The following TMC1 variants were observed in gnomAD, a reference collection of about 807,000 sequenced individuals.
TMC1 encodes transmembrane channel-like protein 1.
In TMC1, 84 loss-of-function variants were observed where a neutral mutation model predicts 105.8. The ratio of observed to expected loss-of-function variants is 0.79; its 90% CI spans 0.67 to 0.95. The LOEUF (loss-of-function observed/expected upper bound fraction) is 0.95. TMC1 is among the 40% of genes least tolerant of loss of function. The pLI, the probability that TMC1 is intolerant of heterozygous loss-of-function variation, is 0.00. For synonymous variants in TMC1, 315 were observed against 311.5 expected, an observed-to-expected ratio of 1.01 and a Z score of -0.12; for missense variants, 817 against 914.1, an observed-to-expected ratio of 0.89 and a Z score of 1.37.
At chr9:72,542,024 A>G (rs984252262) in intron 1 of TMC1, among the ~76,000 whole-genome samples, 1 of 152,166 alleles carries the variant, frequency 6.6e-6, no homozygotes, top group Non-Finnish European at 1.5e-5. Flanking sequence ...TACTAGAGCC[A>G]AAGAATTTGA....
chr9:72,531,925 ATC>A (rs987889451), intron 1 of TMC1, among the ~76,000 whole-genome samples: 1 of 151,880 alleles, frequency 6.6e-6, no homozygotes, highest in African/African-American at 2.4e-5. Flanking sequence ...TAAGATTTTC[ATC>A]TTTTATTTTT....
chr9:72,660,427 T>C (rs1825955013), intron 5 of TMC1, among the ~76,000 whole-genome samples: 1 of 152,194 alleles, frequency 6.6e-6, no homozygotes, highest in Non-Finnish European at 1.5e-5. Context: ...TCTCCTTCAA[T>C]TCTATCTGCA....
intron 4 of TMC1, among the ~76,000 whole-genome samples, chr9:72,640,777 G>A (rs1178048246): frequency 3.3e-5 from 5 of 151,344 alleles, no homozygotes; most frequent in East Asian, 1.9e-4. Context: ...GACTACAGGC[G>A]CCCGCCACTA....
intron 1 of TMC1, among the ~76,000 whole-genome samples, chr9:72,570,568 A>G (rs1043902785): frequency 9.3e-5 from 14 of 150,830 alleles, no homozygotes; most frequent in African/African-American, 3.4e-4. Context: ...CATTTCTTAT[A>G]TTTTAAATTT....
chr9:72,830,883 GA>G (rs1829032577), intron 23 of TMC1, among the ~76,000 whole-genome samples: 1 of 151,046 alleles, frequency 6.6e-6, no homozygotes, highest in African/African-American at 2.4e-5. Context: ...CTAGTGGGAG[GA>G]AAAAAAGAGA....
intron 4 of TMC1, among the ~76,000 whole-genome samples, chr9:72,647,954 A>G (rs1825741817): frequency 1.3e-5 from 2 of 152,202 alleles, no homozygotes; most frequent in African/African-American, 4.8e-5. Flanking sequence ...ATTCCAATCA[A>G]AGATCACTAC....
At chr9:72,585,402 A>G (rs1348204489) in intron 2 of TMC1, among the ~76,000 whole-genome samples, 21 of 148,900 alleles carry the variant, frequency 1.4e-4, no homozygotes, top group African/African-American at 4.7e-4. Flanking sequence ...TGCCCGCCTC[A>G]GCCTCCCAAA....
intron 2 of TMC1, among the ~76,000 whole-genome samples, chr9:72,604,741 G>A (rs1451256640): frequency 5.3e-5 from 8 of 152,180 alleles, no homozygotes; most frequent in African/African-American, 9.7e-5. Context: ...GGTGAAGCAT[G>A]TTGGTTTAAT....
At chr9:72,649,482 C>A (rs1045004276) in intron 5 of TMC1, among the ~76,000 whole-genome samples, 1 of 152,112 alleles carries the variant, frequency 6.6e-6, no homozygotes, top group Non-Finnish European at 1.5e-5. Context: ...GAAACAGAGA[C>A]CTCATTTAGA....
intron 17 of TMC1, among the ~76,000 whole-genome samples, chr9:72,801,488 T>G (rs905242407): frequency 3.7e-4 from 56 of 152,372 alleles, no homozygotes; most frequent in African/African-American, 1.3e-3. Context: ...TTTGTGTCTT[T>G]GTTCACAGTG....
chr9:72,682,783 G>A (rs1054809544), intron 5 of TMC1, among the ~76,000 whole-genome samples: 20 of 152,168 alleles, frequency 1.3e-4, no homozygotes, highest in Non-Finnish European at 2.9e-5. Flanking sequence ...CTGAGACAGG[G>A]TAACCTGTAA....
intron 18 of TMC1, among the ~76,000 whole-genome samples, chr9:72,812,054 C>T (rs750137047): frequency 6.6e-6 from 1 of 152,166 alleles, no homozygotes; most frequent in South Asian, 2.1e-4. Context: ...GTCTCATCAC[C>T]TTCAAAGCCA....
intron 1 of TMC1, among the ~76,000 whole-genome samples, chr9:72,549,414 A>C (rs1564403351): frequency 6.6e-6 from 1 of 151,404 alleles, no homozygotes; most frequent in Non-Finnish European, 1.5e-5. Context: ...TCTGCTCTTT[A>C]GTAAGTCTAG....
At position 72,688,725 on chromosome 9, in the gene TMC1, G is replaced by T; in HGVS notation, c.33G>T (p.Glu11Asp). The stretch of plus-strand genomic sequence containing the variant: ...CCTCAACAGTACAAATCAAAGTGGA[G>T]GAAAAAGAAGACGAGACTGAGGAAA... MSPKKVQIKV[E>D]EKEDETEESS... The change falls in exon 6 of 24, where the codon GAG (glutamate) becomes GAT (aspartate). Residue 11 changes from glutamate (E) to aspartate (D), a missense_variant. Glu to Asp is a conservative substitution (Grantham distance 45). Transcript: ENST00000297784. 4.3e-6 allele frequency: 7 copies of T among 1,611,998 alleles called. No individual in the cohort carries two copies. The highest frequency in any genetic ancestry group is 5.9e-6 in the Non-Finnish European group (7 of 1,178,714).
At chr9:72,609,510 G>A (rs528402719) in intron 2 of TMC1, among the ~76,000 whole-genome samples, 1 of 151,666 alleles carries the variant, frequency 6.6e-6, no homozygotes, top group African/African-American at 2.4e-5. Flanking sequence ...ACTGCATTCC[G>A]GCCTGGGTGA....
chr9:72,705,234 A>G (rs1826718999), intron 8 of TMC1, among the ~76,000 whole-genome samples: 1 of 152,212 alleles, frequency 6.6e-6, no homozygotes. Flanking sequence ...TAAGACTTTT[A>G]ACTGTATCAG....
intron 4 of TMC1, among the ~76,000 whole-genome samples, chr9:72,630,961 G>A (rs1467532478): frequency 3.3e-5 from 5 of 151,120 alleles, no homozygotes; most frequent in South Asian, 2.1e-4. Flanking sequence ...CTCTGCCTCC[G>A]GGTTCAATCA....
At chr9:72,692,804 A>G (rs931756872) in intron 6 of TMC1, among the ~76,000 whole-genome samples, 2 of 152,084 alleles carry the variant, frequency 1.3e-5, no homozygotes, top group East Asian at 3.9e-4. Flanking sequence ...ATATATATAC[A>G]GTTTTCCAAG....
At chr9:72,748,758 T>C (rs1827532950) in intron 10 of TMC1, among the ~76,000 whole-genome samples, 1 of 152,200 alleles carries the variant, frequency 6.6e-6, no homozygotes, top group African/African-American at 2.4e-5. Flanking sequence ...ACTGGAGTTT[T>C]ATGACAACTT....
Sources: allele counts gnomAD v4.1 joint callset (sites outside exome capture counted in the v4.1 genomes callset), GRCh38; gene constraint gnomAD v4.1.1; transcripts MANE v1.5; gene names NCBI Gene and HGNC (gene_info 2026-07-23, HGNC 2026-07-21).